Variants in RUNX1T1 observed in about 807,000 individuals in gnomAD.
RUNX1T1 encodes protein CBFA2T1.
Under a neutral mutation model 62.8 loss-of-function variants are expected in RUNX1T1, and 4 were observed. The observed-to-expected ratio is 0.06, with a 90% CI of 0.03 to 0.15. The LOEUF is 0.15. Among genes scored for constraint, RUNX1T1 ranks in the 10% least tolerant of loss-of-function variants. The probability of loss-of-function intolerance (pLI) is 1.00; values close to 1 mark genes in which losing one functional copy is unlikely to be tolerated. For synonymous variants in RUNX1T1, 291 were observed against 286.0 expected, an observed-to-expected ratio of 1.02 and a Z score of -0.18; for missense variants, 508 against 754.3, an observed-to-expected ratio of 0.67 and a Z score of 3.82.
At chr8:91,996,241 G>A (rs924057126) in intron 5 of RUNX1T1, among the ~76,000 whole-genome samples, 17 of 151,166 alleles carry the variant, frequency 1.1e-4, no homozygotes, top group Non-Finnish European at 7.4e-5. Flanking sequence ...TCGCTCTGTC[G>A]CCCAGCCTGG....
At chr8:91,974,421 T>G (rs112036713) in intron 9 of RUNX1T1, among the ~76,000 whole-genome samples, 1 of 152,092 alleles carries the variant, frequency 6.6e-6, no homozygotes, top group African/African-American at 2.4e-5. Flanking sequence ...CTGGTAATTT[T>G]TCTCTATGAA....
At chr8:92,081,980 G>C (rs1835345439) in intron 1 of RUNX1T1, among the ~76,000 whole-genome samples, 1 of 152,154 alleles carries the variant, frequency 6.6e-6, no homozygotes, top group Admixed American at 6.5e-5. Flanking sequence ...CCGCCTCCCA[G>C]GTTCACGCCA....
intron 1 of RUNX1T1, among the ~76,000 whole-genome samples, chr8:92,031,617 T>C (rs190375436): frequency 1.3e-5 from 2 of 152,090 alleles, no homozygotes; most frequent in Non-Finnish European, 2.9e-5. Context: ...TACAGGTGCA[T>C]ATCACCATAC....
At chr8:91,986,433 T>C (rs1002333148) in intron 7 of RUNX1T1, 108 bp from the exon 9 acceptor site, 6 of 817,488 alleles carry the variant, frequency 7.3e-6, no homozygotes, top group South Asian at 1.6e-5. Context: ...AGCAATTTTA[T>C]CCCTGAAGGT....
chr8:92,095,665 A>C, intron 1 of RUNX1T1: 8 of 849,676 alleles, frequency 9.4e-6, no homozygotes, highest in East Asian at 3.9e-5. Context: ...AAGGAGAGAC[A>C]CAGGCAGGAG....
At chr8:92,095,332 G>T in intron 1 of RUNX1T1, 1 of 1,533,252 alleles carries the variant, frequency 6.5e-7, no homozygotes, top group Non-Finnish European at 8.7e-7. Context: ...TCCCTCCCCT[G>T]TTCACGGAGA....
chr8:92,092,318 T>G (rs1383041345), intron 1 of RUNX1T1, among the ~76,000 whole-genome samples: 3 of 152,204 alleles, frequency 2.0e-5, no homozygotes, highest in Non-Finnish European at 4.4e-5. Context: ...GCAATGTCAC[T>G]AGTAAAATGC....
intron 1 of RUNX1T1, among the ~76,000 whole-genome samples, chr8:92,040,346 G>A (rs552888017): frequency 8.5e-5 from 13 of 152,156 alleles, no homozygotes; most frequent in East Asian, 1.9e-4. Context: ...TGTGTGTCCC[G>A]TGTGTATACT....
At chr8:91,984,605 A>G (rs1266883565) in intron 8 of RUNX1T1, among the ~76,000 whole-genome samples, 2 of 152,216 alleles carry the variant, frequency 1.3e-5, no homozygotes, top group South Asian at 2.1e-4. Flanking sequence ...TCAATAGAAT[A>G]AGCCAAACTA....
chr8:92,065,906 G>C (rs1178723512), upstream of RUNX1T1, among the ~76,000 whole-genome samples: 1 of 152,150 alleles, frequency 6.6e-6, no homozygotes, highest in Non-Finnish European at 1.5e-5. Flanking sequence ...AAACCTCATT[G>C]ATCCTAATTG....
chr8:92,040,405 C>T (rs996662592), intron 1 of RUNX1T1, among the ~76,000 whole-genome samples: 3 of 152,186 alleles, frequency 2.0e-5, no homozygotes, highest in Non-Finnish European at 4.4e-5. Context: ...GCCGAGTCTA[C>T]ATCCTATTGA....
intron 1 of RUNX1T1, among the ~76,000 whole-genome samples, chr8:92,085,868 G>T (rs1836030179): frequency 6.6e-6 from 1 of 152,182 alleles, no homozygotes; most frequent in Admixed American, 6.5e-5. Flanking sequence ...ACATGTTAAA[G>T]AAATTCCTTT....
At chr8:92,099,757 C>G, upstream of RUNX1T1, 1 of 443,918 alleles carries the variant, frequency 2.3e-6, no homozygotes, top group Non-Finnish European at 3.0e-6. Context: ...AAGTGAGAAA[C>G]AGGATTTGAC....
At chr8:92,037,195 G>T (rs963535726) in intron 1 of RUNX1T1, among the ~76,000 whole-genome samples, 14 of 152,110 alleles carry the variant, frequency 9.2e-5, no homozygotes, top group Middle Eastern at 3.2e-3. Context: ...TTATAACCCC[G>T]TGTCCTGTGG....
intron 6 of RUNX1T1, among the ~76,000 whole-genome samples, chr8:91,988,982 A>G (rs1817119141): frequency 6.6e-6 from 1 of 152,144 alleles, no homozygotes; most frequent in East Asian, 1.9e-4. Flanking sequence ...GCAGCACACA[A>G]TTTTTATTTA....
intron 1 of RUNX1T1, among the ~76,000 whole-genome samples, chr8:92,042,420 C>T (rs1314958496): frequency 6.6e-6 from 1 of 152,148 alleles, no homozygotes; most frequent in African/African-American, 2.4e-5. Flanking sequence ...CTCAAGTGAT[C>T]CTCCCACCTC....
At chr8:91,995,454 A>G (rs1382795847) in intron 5 of RUNX1T1, among the ~76,000 whole-genome samples, 1 of 152,196 alleles carries the variant, frequency 6.6e-6, no homozygotes, top group Non-Finnish European at 1.5e-5. Context: ...ATAAAAGCTC[A>G]TCACCTCATA....
At chr8:92,034,747 CAT>C (rs1261530567) in intron 1 of RUNX1T1, among the ~76,000 whole-genome samples, 50 of 148,742 alleles carry the variant, frequency 3.4e-4, no homozygotes, top group African/African-American at 1.1e-3. Flanking sequence ...TATATATACA[CAT>C]ATATATACAC....
intron 1 of RUNX1T1, among the ~76,000 whole-genome samples, chr8:92,030,890 G>A (rs1826093825): frequency 6.6e-6 from 1 of 152,168 alleles, no homozygotes; most frequent in South Asian, 2.1e-4. Flanking sequence ...AATTCTGCCA[G>A]GTGTCCATAT....
Sources: allele counts gnomAD v4.1 joint callset (sites outside exome capture counted in the v4.1 genomes callset), GRCh38; gene constraint gnomAD v4.1.1; transcripts MANE v1.5; gene names NCBI Gene and HGNC (gene_info 2026-07-23, HGNC 2026-07-21).